ELF5: variants seen among roughly 807,000 people sequenced by gnomAD.
The protein encoded by ELF5 is ETS-related transcription factor Elf-5.
Under a neutral mutation model 38.2 loss-of-function variants are expected in ELF5, and 31 were observed. The ratio of observed to expected loss-of-function variants is 0.81; its 90% CI spans 0.61 to 1.10. The LOEUF is 1.10. Among genes scored for constraint, ELF5 ranks in the 50% least tolerant of loss-of-function variants. The pLI, the probability that ELF5 is intolerant of heterozygous loss-of-function variation, is 0.00. For missense variants in ELF5, 300 were observed against 306.6 expected, an observed-to-expected ratio of 0.98 and a Z score of 0.16; for synonymous variants, 121 against 112.5, an observed-to-expected ratio of 1.08 and a Z score of -0.48.
intron 1 of ELF5, among the ~76,000 whole-genome samples, chr11:34,510,428 C>T (rs1486587512): frequency 6.6e-6 from 1 of 151,862 alleles, no homozygotes; most frequent in Non-Finnish European, 1.5e-5. Context: ...AGAATAATGG[C>T]TGCTTTGTAT....
chr11:34,492,571 T>A (rs1850204632), intron 3 of ELF5: 1 of 152,214 alleles, frequency 6.6e-6, no homozygotes, highest in South Asian at 2.1e-4. Flanking sequence ...ATATGCCTCT[T>A]GATTATATTA....
chr11:34,481,032 A>G, intron 5 of ELF5, 65 bp from the exon 6 acceptor site: 1 of 1,256,230 alleles, frequency 8.0e-7, no homozygotes, highest in Non-Finnish European at 1.1e-6. Context: ...TTAATTAATT[A>G]ATTTTTTTGA....
chr11:34,490,135 T>A, intron 3 of ELF5, 76 bp from the exon 4 acceptor site: 1 of 1,522,668 alleles, frequency 6.6e-7, no homozygotes. Flanking sequence ...AGAGGGGGTG[T>A]TGGAGGGAAG....
chr11:34,500,131 A>G (rs996137306), intron 2 of ELF5, among the ~76,000 whole-genome samples: 10 of 152,150 alleles, frequency 6.6e-5, no homozygotes, highest in African/African-American at 2.4e-4. Context: ...GCTGAGGAAA[A>G]ACTACAGTAA....
chr11:34,513,297 G>T (rs912019717), intron 1 of ELF5, among the ~76,000 whole-genome samples: 4 of 152,242 alleles, frequency 2.6e-5, no homozygotes, highest in Non-Finnish European at 5.9e-5. Context: ...AGGGGAGAAG[G>T]GTAGGTGGGG....
intron 1 of ELF5, chr11:34,511,567 C>T: frequency 6.2e-7 from 1 of 1,614,194 alleles, no homozygotes; most frequent in Non-Finnish European, 8.5e-7. Flanking sequence ...GCAGAGATGG[C>T]ATGGAAGCTG....
At chr11:34,485,114 T>C in intron 4 of ELF5, among the ~76,000 whole-genome samples, 1 of 152,226 alleles carries the variant, frequency 6.6e-6, no homozygotes, top group Non-Finnish European at 1.5e-5. Context: ...AGTATCTCAT[T>C]TCAAACTTAT....
rs836146 is a variant in ELF5 at position 34,511,720 on chromosome 11, G to C, written c.-5+1957C>G. On this transcript the variant is annotated intron_variant, in intron 1 of 6. Transcript: ENST00000257832. ...ACACAAATCAGAGGCAGCAATAACA[G>C]GTGTGGCTCCCATGGCCTGAGCAAC... is the stretch of plus-strand genomic sequence containing the variant. 97 of 937,972 alleles carry C rather than the reference G, an allele frequency of 1.0e-4. 1 individual carries two copies. In the African/African-American group the frequency reaches 1.3e-3, roughly 13 times the overall value. 58.1% of individuals were successfully genotyped at this position (937,972 alleles called of 1,614,324 possible).
chr11:34,482,402 T>C, intron 5 of ELF5, 29 bp downstream of exon 5: 2 of 1,600,166 alleles, frequency 1.2e-6, no homozygotes, highest in Non-Finnish European at 1.7e-6. Context: ...TTTAAGAAAT[T>C]AGAATGAAAA....
At chr11:34,485,666 C>T (rs1980719) in intron 4 of ELF5, among the ~76,000 whole-genome samples, 15,911 of 152,100 alleles carry the variant, frequency 0.1, 939 homozygotes, top group East Asian at 0.26. Flanking sequence ...TGGGTCTTGC[C>T]GAGATAACCC....
chr11:34,489,936 A>G (rs1465474632), intron 4 of ELF5, 73 bp downstream of exon 4: 3 of 1,554,376 alleles, frequency 1.9e-6, no homozygotes, highest in African/African-American at 1.4e-5. Flanking sequence ...GTATGATCCT[A>G]AAAGAATGGT....
At chr11:34,504,853 G>A (rs1355528569) in intron 2 of ELF5, among the ~76,000 whole-genome samples, 1 of 152,184 alleles carries the variant, frequency 6.6e-6, no homozygotes, top group East Asian at 1.9e-4. Flanking sequence ...AATCCAGGCT[G>A]AGAAAGAGGA....
At chr11:34,493,909 T>G (rs1174644311) in intron 2 of ELF5, among the ~76,000 whole-genome samples, 197 bp from the exon 3 acceptor site, 1 of 152,066 alleles carries the variant, frequency 6.6e-6, no homozygotes, top group African/African-American at 2.4e-5. Flanking sequence ...ATCCTACAGA[T>G]GAACTTTGGC....
chr11:34,505,409 C>T (rs1164603539), intron 2 of ELF5, among the ~76,000 whole-genome samples: 2 of 152,228 alleles, frequency 1.3e-5, no homozygotes, highest in Non-Finnish European at 2.9e-5. Flanking sequence ...CGTGCACGGC[C>T]TCGAGGCCAC....
rs769879511 is a variant in ELF5 at position 34,493,536 on chromosome 11, C to A, written c.298G>T (p.Ala100Ser). 22 of 1,614,058 alleles carry A rather than the reference C, an allele frequency of 1.4e-5. No individual in the cohort carries two copies. Residue 100 changes from alanine (A) to serine (S), a missense_variant, in exon 3 of 7, where the codon GCA becomes TCA. By Grantham distance (99) the Ala-to-Ser change is moderately conservative. Transcript: ENST00000257832. ...CSMTQEEFVE[A>S]AGLCGEYLYF... ...AGGTACTCGCCGCAGAGGCCAGCTG[C>A]CTCGACGAACTCCTCCTGTGTCATG... is the stretch of plus-strand genomic sequence containing the variant.
At position 34,482,471 on chromosome 11, in the gene ELF5, A is replaced by G. The variant is rs1021061178; in HGVS notation, c.435T>C (p.Ser145=). The G allele has an allele frequency of 6.2e-7, 1 of 1,613,042 alleles. No homozygotes were observed. Among genetic ancestry groups the G allele is most frequent in the Non-Finnish European group, 8.5e-7 (1 of 1,179,814 alleles). The change falls in exon 5 of 7, where the codon AGT becomes AGC. Residue 145 remains serine, a synonymous_variant. Coordinates refer to ENST00000257832, the MANE Select transcript of ELF5 (RefSeq NM_001422.4). ...DYADSNCLKT[S]GIKSQDCHSH... ...TGTGACAGTCTTGACTTTTGATGCC[A>G]CTTGTTTTCAAGCAGTTGGAATCAG...
At chr11:34,491,883 T>A (rs11032726) in intron 3 of ELF5, 52,638 of 152,114 alleles carry the variant, frequency 0.35, 10,162 homozygotes, top group Non-Finnish European at 0.42. Flanking sequence ...GCCAACAGGT[T>A]TTTTTTGTTT....
rs1205500690 is a variant in ELF5 at position 34,513,767 on chromosome 11, A to T, written c.-95T>A. 1 of 152,318 alleles carries T rather than the reference A, an allele frequency of 6.6e-6. No homozygotes were observed. The highest frequency in any genetic ancestry group is 1.5e-5 in the Non-Finnish European group (1 of 68,126). The allele number at this position is 152,318 out of a possible 1,614,324, so 9.4% of individuals were successfully genotyped here. On this transcript the variant is annotated 5_prime_UTR_variant, in exon 1 of 7. Transcript: ENST00000257832. ...GCACCAGCGTGCAGTGGAAATAAAG[A>T]CACCTGTAGCCTTGTGATATAAGTG...
At chr11:34,485,449 T>A (rs571052445) in intron 4 of ELF5, among the ~76,000 whole-genome samples, 6 of 152,226 alleles carry the variant, frequency 3.9e-5, no homozygotes, top group African/African-American at 1.4e-4. Flanking sequence ...ACAAATGGAG[T>A]CATAAACAAA....
Sources: gnomAD v4.1 joint callset for allele counts (sites outside exome capture counted in the v4.1 genomes callset) on GRCh38, gnomAD v4.1.1 for gene constraint, MANE v1.5 for transcripts, NCBI Gene and HGNC (gene_info 2026-07-23, HGNC 2026-07-21) for gene names.